Variants in KLRB1 observed in about 807,000 individuals in gnomAD.
The protein encoded by KLRB1 is killer cell lectin like receptor B1.
A neutral mutation model predicts 33.5 loss-of-function variants in KLRB1; 27 were observed. The observed-to-expected ratio is 0.81, with a 90% CI of 0.59 to 1.11. The LOEUF (loss-of-function observed/expected upper bound fraction) is 1.11, where lower values mean the gene tolerates loss of function less well. Among genes scored for constraint, KLRB1 ranks in the 50% most tolerant of loss-of-function variants. The probability of loss-of-function intolerance (pLI) is 0.00; values close to 1 mark genes in which losing one functional copy is unlikely to be tolerated. For missense variants in KLRB1, 241 were observed against 254.1 expected (o/e 0.95, Z 0.35); for synonymous variants, 64 against 88.9 (o/e 0.72, Z 1.58).
intron 1 of KLRB1, among the ~76,000 whole-genome samples, chr12:9,603,138 C>T (rs1210829227): frequency 1.3e-5 from 2 of 152,080 alleles, no homozygotes; most frequent in African/African-American, 4.8e-5. Flanking sequence ...GAGTAGATAC[C>T]TAGAGGAGAC....
intron 1 of KLRB1, among the ~76,000 whole-genome samples, chr12:9,607,200 AT>A (rs1295861903): frequency 6.6e-6 from 1 of 151,938 alleles, no homozygotes; most frequent in Non-Finnish European, 1.5e-5. Flanking sequence ...TAGTTCATAC[AT>A]GTAAAATATT....
chr12:9,606,756 A>ATTTTTTTTTTTTTTTT lies in KLRB1; in HGVS notation c.85+998_85+999insAAAAAAAAAAAAAAAA, dbSNP rs1188705968. Among the ~76,000 whole-genome samples the ATTTTTTTTTTTTTTTT allele has an allele frequency of 5.1e-4, 16 of 31,530 alleles. 1 individual carries two copies. Among genetic ancestry groups the ATTTTTTTTTTTTTTTT allele is most frequent in the Admixed American group, 1.5e-3 (3 of 1,974 alleles). 20.7% of individuals were successfully genotyped at this position (31,530 alleles called of 152,430 possible). A position where few individuals can be genotyped will look rare whatever the true frequency, so the allele number is the denominator to read the frequency against. On this transcript the variant is annotated intron_variant, in intron 1 of 5. Coordinates refer to ENST00000229402, the MANE Select transcript of KLRB1 (RefSeq NM_002258.3). ...AAAGTATATATATATATATATATAT[A>ATTTTTTTTTTTTTTTT]TATATTTTTTTTTTTTTTTTGAGAT...
chr12:9,604,844 T>C (rs1382938408), intron 1 of KLRB1, among the ~76,000 whole-genome samples: 1 of 152,222 alleles, frequency 6.6e-6, no homozygotes, highest in Non-Finnish European at 1.5e-5. Flanking sequence ...TTTTAATTTT[T>C]ATTTTTTATT....
chr12:9,603,080 G>A (rs1037734387), intron 1 of KLRB1, among the ~76,000 whole-genome samples: 3 of 152,156 alleles, frequency 2.0e-5, no homozygotes, highest in Admixed American at 6.5e-5. Context: ...ATGGATTATC[G>A]TCTGGTACTA....
Position 9,595,262 on chromosome 12 carries a change from T to A in KLRB1, c.*12A>T, listed in dbSNP as rs1262958675. 1.2e-6 allele frequency: 2 copies of A among 1,611,498 alleles called. No individual in the cohort carries two copies. Among genetic ancestry groups the A allele is most frequent in the African/African-American group, 2.7e-5 (2 of 74,826 alleles). On this transcript the variant is annotated 3_prime_UTR_variant, in exon 6 of 6. Coordinates refer to ENST00000229402, the MANE Select transcript of KLRB1 (RefSeq NM_002258.3). ...GTAATGGGAAGCAAATAAATTGAGATGGGATTCATAGTCAAGAGTCAGGAT... is the reference window on the plus strand; with the variant it reads ...GTAATGGGAAGCAAATAAATTGAGAAGGGATTCATAGTCAAGAGTCAGGAT...
At chr12:9,596,086 A>ACAGGC (rs1463894852) in intron 5 of KLRB1, among the ~76,000 whole-genome samples, 1 of 152,148 alleles carries the variant, frequency 6.6e-6, no homozygotes, top group African/African-American at 2.4e-5. Context: ...AAACAAAGGG[A>ACAGGC]CAGGCTGTAT....
chr12:9,598,541 G>T lies in KLRB1; in HGVS notation c.372C>A (p.Thr124=), dbSNP rs758165336. The T allele has an allele frequency of 5.0e-6, 8 of 1,612,502 alleles. No individual in the cohort carries two copies. The highest frequency in any genetic ancestry group is 6.8e-6 in the Non-Finnish European group (8 of 1,179,140). ...GAATAAGCAGCAGGCTGGATTCTTT[G>T]GTGGAACAATCAGCTAGACTGTTAT... is the stretch of plus-strand genomic sequence containing the variant. ...PWNNSLADCS[T]KESSLLLIRD... The change falls in exon 4 of 6, where the codon ACC becomes ACA. Residue 124 remains threonine, a synonymous_variant. Coordinates refer to ENST00000229402, the MANE Select transcript of KLRB1 (RefSeq NM_002258.3).
In KLRB1 at chr12:9,606,758, ATATT is replaced by A. The variant is rs1235142394; in HGVS notation, c.85+993_85+996del. 1.3e-3 allele frequency among the ~76,000 whole-genome samples: 85 copies of A among 65,900 alleles called. 8 individuals carry two copies. The highest frequency in any genetic ancestry group is 7.2e-3 in the Admixed American group (40 of 5,520). The allele number at this position is 65,900 out of a possible 152,430, so 43.2% of individuals were successfully genotyped here. On this transcript the variant is annotated intron_variant, in intron 1 of 5. Coordinates refer to ENST00000229402, the MANE Select transcript of KLRB1 (RefSeq NM_002258.3). The stretch of plus-strand genomic sequence containing the variant: ...AGTATATATATATATATATATATAT[ATATT>A]TTTTTTTTTTTTTTGAGATAGTCTT...
At chr12:9,605,192 A>T (rs1239554558) in intron 1 of KLRB1, among the ~76,000 whole-genome samples, 2 of 152,188 alleles carry the variant, frequency 1.3e-5, no homozygotes, top group African/African-American at 4.8e-5. Flanking sequence ...GCTGCACAGT[A>T]TTCCATGGTG....
rs1330220066 is a variant in KLRB1, at chr12:9,594,760, CG to C, written c.*513del. 3 of 147,310 alleles carry C rather than the reference CG, an allele frequency of 2.0e-5. No homozygotes were observed. Among genetic ancestry groups the C allele is most frequent in the Non-Finnish European group, 4.4e-5 (3 of 68,022 alleles). 9.1% of individuals were successfully genotyped at this position (147,310 alleles called of 1,614,324 possible). On this transcript the variant is annotated 3_prime_UTR_variant, in exon 6 of 6. Transcript: ENST00000229402. ...GAGTCACTAGGAGATATATTGGTTG[CG>C]GGGGGCTGTAAAATAGGTGAAAGAT...
rs1185123324 is a variant in KLRB1 at position 9,606,700 on chromosome 12, TATATATAAA to T, written c.85+1046_85+1054del. Among the ~76,000 whole-genome samples the T allele has an allele frequency of 2.4e-4, 18 of 73,472 alleles. 2 individuals are homozygous for T. Among genetic ancestry groups the T allele is most frequent in the Admixed American group, 4.7e-4 (4 of 8,428 alleles). 48.2% of individuals were successfully genotyped at this position (73,472 alleles called of 152,430 possible). On this transcript the variant is annotated intron_variant, in intron 1 of 5. Coordinates refer to ENST00000229402, the MANE Select transcript of KLRB1 (RefSeq NM_002258.3). ...AATATATGTATAAAAAGTATATATATATATATAAAATATATAAAATATATGTATAAAAAG... is the reference window on the plus strand; with the variant it reads ...AATATATGTATAAAAAGTATATATATATATATAAAATATATGTATAAAAAG...
At chr12:9,596,432 C>CA (rs1864493023) in intron 5 of KLRB1, among the ~76,000 whole-genome samples, 1 of 152,180 alleles carries the variant, frequency 6.6e-6, no homozygotes, top group Admixed American at 6.6e-5. Flanking sequence ...AGTGGTTTTA[C>CA]AGGCCTTCCT....
At position 9,607,830 on chromosome 12, in the gene KLRB1, G is replaced by C. The variant is rs768542832; in HGVS notation, c.10C>G (p.Gln4Glu). The change falls in exon 1 of 6, where the codon CAA (glutamine) becomes GAA (glutamate). Residue 4 changes from glutamine to glutamate, a missense_variant. Coordinates refer to ENST00000229402, the MANE Select transcript of KLRB1 (RefSeq NM_002258.3). ...AAGTTTAACTCAGCATATATTGCTT[G>C]TTGGTCCATGGCAGACAGAGGAAGG... The part of the protein sequence containing the change: MDQ[Q>E]AIYAELNLPT... The C allele has an allele frequency of 6.2e-7, 1 of 1,612,326 alleles. No homozygotes were observed. The highest frequency in any genetic ancestry group is 8.5e-7 in the Non-Finnish European group (1 of 1,178,512).
At chr12:9,606,146 A>G (rs771029998) in intron 1 of KLRB1, among the ~76,000 whole-genome samples, 46 of 152,334 alleles carry the variant, frequency 3.0e-4, no homozygotes, top group Non-Finnish European at 5.6e-4. Flanking sequence ...TAAAACTTTG[A>G]GAATTCAATA....
intron 2 of KLRB1, among the ~76,000 whole-genome samples, chr12:9,601,016 TC>T (rs1355537501): frequency 2.2e-5 from 3 of 138,130 alleles, no homozygotes; most frequent in African/African-American, 7.9e-5. Context: ...GATTGTATGC[TC>T]CATCTACTGA....
rs776459137 is a variant in KLRB1, at chr12:9,601,571, T to C, written c.114A>G (p.Gln38=). The C allele has an allele frequency of 1.2e-5, 20 of 1,613,476 alleles. No individual in the cohort carries two copies. Among genetic ancestry groups the C allele is most frequent in the Middle Eastern group, 3.3e-4 (2 of 6,056 alleles). Residue 38 remains glutamine (Q), a synonymous_variant, in exon 2 of 6, where the codon CAA becomes CAG. Coordinates refer to ENST00000229402, the MANE Select transcript of KLRB1 (RefSeq NM_002258.3). ...CAGCACAGCTAAGTTTCAGGGCAAATTGATGCCAAGGTGAACCCTGACAGA... is the reference window on the plus strand; with the variant it reads ...CAGCACAGCTAAGTTTCAGGGCAAACTGATGCCAAGGTGAACCCTGACAGA... The part of the protein sequence containing the change: ...RDVCQGSPWH[Q]FALKLSCAGI...
intron 1 of KLRB1, among the ~76,000 whole-genome samples, chr12:9,603,585 C>A (rs771211645): frequency 7.4e-6 from 1 of 134,310 alleles, no homozygotes; most frequent in Non-Finnish European, 1.6e-5. Context: ...CCACCATGCC[C>A]GGCTAATTTT....
Position 9,595,172 on chromosome 12 carries a change from G to T in KLRB1, c.*102C>A. On this transcript the variant is annotated 3_prime_UTR_variant, in exon 6 of 6. Coordinates refer to ENST00000229402, the MANE Select transcript of KLRB1 (RefSeq NM_002258.3). ...GTCAATTCTCAGAATTGTTCACTTT[G>T]TGCCACTAAATGTGGCACTATTAGG... 1 of 917,950 alleles carries T rather than the reference G, an allele frequency of 1.1e-6. No homozygotes were observed. Among genetic ancestry groups the T allele is most frequent in the Non-Finnish European group, 1.7e-6 (1 of 589,828 alleles). The allele number at this position is 917,950 out of a possible 1,614,324, so 56.9% of individuals were successfully genotyped here. A position where few individuals can be genotyped will look rare whatever the true frequency, so the allele number is the denominator to read the frequency against.
intron 1 of KLRB1, among the ~76,000 whole-genome samples, chr12:9,604,990 AC>A (rs1443607591): frequency 5.3e-5 from 8 of 151,140 alleles, no homozygotes; most frequent in Non-Finnish European, 1.2e-4. Context: ...CCTTCTCCCT[AC>A]CCCCACCCCA....
Sources: allele counts gnomAD v4.1 joint callset (sites outside exome capture counted in the v4.1 genomes callset), GRCh38; gene constraint gnomAD v4.1.1; transcripts MANE v1.5; gene names NCBI Gene and HGNC (gene_info 2026-07-23, HGNC 2026-07-21).